CRY2: variants seen among roughly 807,000 people sequenced by gnomAD.
CRY2 encodes the protein cryptochrome-2.
CRY2 carries 31 observed loss-of-function variants against 69.5 expected under a neutral mutation model. That is an observed-to-expected ratio of 0.45 (90% confidence interval 0.34 to 0.60). CRY2 has a LOEUF of 0.60. Among genes scored for constraint, CRY2 ranks in the 20% least tolerant of loss-of-function variants. The pLI is 0.02. For missense variants in CRY2, 606 were observed against 797.8 expected (o/e 0.76, Z 2.90); for synonymous variants, 303 against 312.2 (o/e 0.97, Z 0.31).
chr11:45,847,495 C>G lies in CRY2; in HGVS notation c.5C>G (p.Ala2Gly), dbSNP rs761411752. The change falls in exon 1 of 12, where the codon GCG (alanine) becomes GGG (glycine). Residue 2 changes from alanine (A) to glycine (G), a missense_variant. Coordinates refer to ENST00000616080, the MANE Select transcript of CRY2 (RefSeq NM_021117.5). ...GCTGGAGCAGTCTGGACAGTCATGG[C>G]GGCGACTGTGGCGACGGCGGCAGCT... Reference protein sequence around the residue: MAATVATAAAVA... With the variant: MGATVATAAAVA... The G allele has an allele frequency of 6.3e-7, 1 of 1,598,008 alleles. No homozygotes were observed.
Position 45,882,306 on chromosome 11 carries a change from T to G in CRY2, c.*1395T>G. 1 of 249,466 alleles carries G rather than the reference T, an allele frequency of 4.0e-6. No homozygotes were observed. The allele number at this position is 249,466 out of a possible 1,614,324, so 15.5% of individuals were successfully genotyped here. On this transcript the variant is annotated 3_prime_UTR_variant, in exon 12 of 12. Coordinates refer to ENST00000616080, the MANE Select transcript of CRY2 (RefSeq NM_021117.5). ...CGTGTGTGGTACGTGTGTGTGTGTG[T>G]GGCTATGAGGCTGATTCCTGTTTGG... is the stretch of plus-strand genomic sequence containing the variant.
chr11:45,847,198 T>C (rs1214269921), upstream of CRY2: 33 of 1,549,618 alleles, frequency 2.1e-5, no homozygotes, highest in African/African-American at 3.7e-4. Context: ...CTCCCGGCAC[T>C]CCGCGGACAG....
At chr11:45,859,519 G>T (rs936561026) in intron 3 of CRY2, among the ~76,000 whole-genome samples, 4 of 150,624 alleles carry the variant, frequency 2.7e-5, no homozygotes, top group Non-Finnish European at 5.9e-5. Context: ...CTGTGATCAT[G>T]CCACGTCACT....
chr11:45,858,663 A>T, intron 2 of CRY2, 68 bp from the exon 3 acceptor site: 1 of 1,524,608 alleles, frequency 6.6e-7, no homozygotes, highest in Non-Finnish European at 8.9e-7. Context: ...CCCAGGAAGG[A>T]ACTGAGAGTC....
chr11:45,855,937 C>T, intron 1 of CRY2, 45 bp from the exon 2 acceptor site: 1 of 1,487,890 alleles, frequency 6.7e-7, no homozygotes, highest in African/African-American at 1.4e-5. Flanking sequence ...AAGAGAGCCA[C>T]TCTTCATGAT....
At chr11:45,851,919 C>T (rs2086201755) in intron 1 of CRY2, among the ~76,000 whole-genome samples, 1 of 152,196 alleles carries the variant, frequency 6.6e-6, no homozygotes, top group Non-Finnish European at 1.5e-5. Flanking sequence ...GTTATCCTCC[C>T]TCCCCCCATT....
At position 45,858,815 on chromosome 11, in the gene CRY2, A is replaced by G; in HGVS notation, c.409A>G (p.Lys137Glu). Reference sequence around the variant, plus strand: ...GGATGCAGCCATCATGAAGATGGCCAAGGAGGCTGGTGTGGAAGTAGTGAC... The same window carrying G: ...GGATGCAGCCATCATGAAGATGGCCGAGGAGGCTGGTGTGGAAGTAGTGAC... ...ERDAAIMKMA[K>E]EAGVEVVTEN... is the part of the protein sequence containing the mutation. Residue 137 changes from lysine to glutamate, a missense_variant, in exon 3 of 12, where the codon AAG becomes GAG. Lys to Glu is a moderately conservative substitution (Grantham distance 56, BLOSUM62 1). Coordinates refer to ENST00000616080, the MANE Select transcript of CRY2 (RefSeq NM_021117.5). The G allele has an allele frequency of 6.2e-7, 1 of 1,614,192 alleles. No individual in the cohort carries two copies. Among genetic ancestry groups the G allele is most frequent in the Non-Finnish European group, 8.5e-7 (1 of 1,180,040 alleles).
At chr11:45,847,854 A>G in intron 1 of CRY2, 149 bp downstream of exon 1, 1 of 1,175,170 alleles carries the variant, frequency 8.5e-7, no homozygotes, top group East Asian at 2.6e-5. Context: ...TCATGGTCCT[A>G]ACGCGCCGGT....
intron 5 of CRY2, among the ~76,000 whole-genome samples, chr11:45,866,771 G>A (rs529284726): frequency 1.3e-5 from 2 of 152,146 alleles, no homozygotes; most frequent in South Asian, 4.2e-4. Context: ...GAGGAGGAGA[G>A]GATGTTGGGA....
chr11:45,862,404 T>C (rs4755344), intron 5 of CRY2, among the ~76,000 whole-genome samples: 135,487 of 152,262 alleles, frequency 0.89, 60,983 homozygotes, highest in Non-Finnish European at 0.94. Context: ...ATCTTTCCAA[T>C]AGCCTGCAAG....
chr11:45,875,351 A>G (rs1370136523), intron 11 of CRY2, among the ~76,000 whole-genome samples: 3 of 152,196 alleles, frequency 2.0e-5, no homozygotes, highest in Admixed American at 6.5e-5. Flanking sequence ...TGAGTCTGCT[A>G]TGTACTCTTT....
intron 2 of CRY2, among the ~76,000 whole-genome samples, chr11:45,856,655 G>A (rs993583326): frequency 6.6e-6 from 1 of 152,172 alleles, no homozygotes; most frequent in African/African-American, 2.4e-5. Flanking sequence ...AATTAGCTGG[G>A]CATGTTGGCT....
At chr11:45,875,381 G>A (rs2086417419) in intron 11 of CRY2, among the ~76,000 whole-genome samples, 1 of 152,178 alleles carries the variant, frequency 6.6e-6, no homozygotes, top group South Asian at 2.1e-4. Context: ...GAAACATTTT[G>A]GAACAGGAAT....
chr11:45,862,641 C>G (rs573076865), intron 5 of CRY2, among the ~76,000 whole-genome samples: 1 of 152,336 alleles, frequency 6.6e-6, no homozygotes, highest in African/African-American at 2.4e-5. Flanking sequence ...GATTGCTTTT[C>G]TTTCATCTGT....
At chr11:45,851,025 A>G (rs2086196029) in intron 1 of CRY2, among the ~76,000 whole-genome samples, 1 of 106,114 alleles carries the variant, frequency 9.4e-6, no homozygotes, top group South Asian at 3.5e-4. Flanking sequence ...TATGAGCCTC[A>G]GGACTTTTTT....
intron 1 of CRY2, among the ~76,000 whole-genome samples, chr11:45,850,397 G>A (rs1044229741): frequency 6.6e-6 from 1 of 152,204 alleles, no homozygotes; most frequent in Non-Finnish European, 1.5e-5. Context: ...GGCAACCTAG[G>A]AAGTATGTTG....
rs533128901 is a variant in CRY2, at chr11:45,883,123, G to A, written c.*2212G>A. ...AAATCCTGACCCAAGGGCCAGCATGGGGAAGAGATGGTTGCAGGCAAAATG... is the reference window on the plus strand; with the variant it reads ...AAATCCTGACCCAAGGGCCAGCATGAGGAAGAGATGGTTGCAGGCAAAATG... On this transcript the variant is annotated 3_prime_UTR_variant, in exon 12 of 12. Coordinates refer to ENST00000616080, the MANE Select transcript of CRY2 (RefSeq NM_021117.5). The A allele has an allele frequency of 1.6e-5, 3 of 189,504 alleles. No individual in the cohort carries two copies. Among genetic ancestry groups the A allele is most frequent in the South Asian group, 3.9e-4 (2 of 5,118 alleles). 11.7% of individuals were successfully genotyped at this position (189,504 alleles called of 1,614,324 possible).
At chr11:45,857,108 C>T (rs1380450456) in intron 2 of CRY2, among the ~76,000 whole-genome samples, 2 of 152,164 alleles carry the variant, frequency 1.3e-5, no homozygotes, top group East Asian at 3.9e-4. Flanking sequence ...TTAGTGAATA[C>T]ATCATCCTTC....
At position 45,858,823 on chromosome 11, in the gene CRY2, T is replaced by C. The variant is rs1442490842; in HGVS notation, c.417T>C (p.Ala139=). ...CCATCATGAAGATGGCCAAGGAGGCTGGTGTGGAAGTAGTGACGGAGAATT... is the reference window on the plus strand; with the variant it reads ...CCATCATGAAGATGGCCAAGGAGGCCGGTGTGGAAGTAGTGACGGAGAATT... ...DAAIMKMAKE[A]GVEVVTENSH... is the part of the protein sequence containing the mutation. Residue 139 remains alanine (A), a synonymous_variant, in exon 3 of 12, where the codon GCT becomes GCC. Coordinates refer to ENST00000616080, the MANE Select transcript of CRY2 (RefSeq NM_021117.5). 5 of 1,614,068 alleles carry C rather than the reference T, an allele frequency of 3.1e-6. No homozygotes were observed. The highest frequency in any genetic ancestry group is 3.4e-6 in the Non-Finnish European group (4 of 1,180,052).
Sources: allele counts gnomAD v4.1 joint callset (sites outside exome capture counted in the v4.1 genomes callset), GRCh38; gene constraint gnomAD v4.1.1; transcripts MANE v1.5; gene names NCBI Gene and HGNC (gene_info 2026-07-23, HGNC 2026-07-21).